B3GALT1: variants seen among roughly 807,000 people sequenced by gnomAD.
B3GALT1 encodes UDP-Gal:betaGlcNAc beta 1,3-galactosyltransferase, polypeptide 1.
In B3GALT1, 10 loss-of-function variants were observed where a neutral mutation model predicts 23.2. That is an observed-to-expected ratio of 0.43 (90% confidence interval 0.27 to 0.73). The LOEUF is 0.73. Ranked by LOEUF, B3GALT1 falls within the 30% of genes least tolerant of loss-of-function variation. B3GALT1 has a pLI of 0.21. For missense variants in B3GALT1, 299 were observed against 405.4 expected (o/e 0.74, Z 2.25); for synonymous variants, 156 against 141.5 (o/e 1.10, Z -0.73).
chr2:167,428,200 A>T (rs989726166), intron 1 of B3GALT1, among the ~76,000 whole-genome samples: 2 of 152,252 alleles, frequency 1.3e-5, no homozygotes, highest in Non-Finnish European at 2.9e-5. Flanking sequence ...ACTAGAAATA[A>T]AATTAGCACT....
rs186963690 is a variant in B3GALT1 at position 167,405,335 on chromosome 2, A to T, written c.-510-84842A>T. Among the ~76,000 whole-genome samples the T allele has an allele frequency of 1.2e-4, 18 of 152,226 alleles. No homozygotes were observed. In the East Asian group the frequency reaches 3.3e-3, roughly 28 times the overall value. On this transcript the variant is annotated intron_variant, in intron 1 of 4. Coordinates refer to ENST00000392690, the MANE Select transcript of B3GALT1 (RefSeq NM_020981.4). ...TTAATAATACTTTTAATAATCCTAAATGTGTCCAATTTATTAAATTAAGAA... is the reference window on the plus strand; with the variant it reads ...TTAATAATACTTTTAATAATCCTAATTGTGTCCAATTTATTAAATTAAGAA...
intron 3 of B3GALT1, among the ~76,000 whole-genome samples, chr2:167,699,438 C>G (rs1330727281): frequency 2.4e-5 from 3 of 126,484 alleles, no homozygotes; most frequent in Admixed American, 1.9e-4. Flanking sequence ...CCCCAATTAA[C>G]CACAACATTA....
chr2:167,310,337 C>G (rs1696617252), intron 1 of B3GALT1, among the ~76,000 whole-genome samples: 1 of 151,842 alleles, frequency 6.6e-6, no homozygotes, highest in Non-Finnish European at 1.5e-5. Context: ...AGTGTTACAT[C>G]TCAGGTAGTA....
intron 1 of B3GALT1, among the ~76,000 whole-genome samples, chr2:167,360,580 A>T (rs1221140462): frequency 1.3e-5 from 2 of 152,138 alleles, no homozygotes; most frequent in Non-Finnish European, 2.9e-5. Context: ...GAGGCCCAGC[A>T]ATCATCTTTT....
At chr2:167,868,036 A>G (rs185382904) in intron 4 of B3GALT1, among the ~76,000 whole-genome samples, 1 of 152,372 alleles carries the variant, frequency 6.6e-6, no homozygotes, top group South Asian at 2.1e-4. Flanking sequence ...GTATAATTTC[A>G]TCAAGGGAAC....
intron 3 of B3GALT1, among the ~76,000 whole-genome samples, chr2:167,763,372 A>G (rs2105300380): frequency 6.6e-6 from 1 of 152,318 alleles, no homozygotes; most frequent in Non-Finnish European, 1.5e-5. Flanking sequence ...TAATCAGTTT[A>G]TCAATAAAAA....
chr2:167,585,263 G>A (rs1166556722), intron 2 of B3GALT1, among the ~76,000 whole-genome samples: 2 of 152,274 alleles, frequency 1.3e-5, no homozygotes, highest in Non-Finnish European at 2.9e-5. Flanking sequence ...TAAGCAAACC[G>A]AAATTGGGAG....
At chr2:167,527,364 T>C (rs778547924) in intron 2 of B3GALT1, among the ~76,000 whole-genome samples, 32 of 149,072 alleles carry the variant, frequency 2.1e-4, no homozygotes, top group Non-Finnish European at 4.1e-4. Context: ...ATTTTAATCA[T>C]TTTTCTTCAT....
chr2:167,464,471 TATAATCCAAACC>T (rs1257280110), intron 1 of B3GALT1, among the ~76,000 whole-genome samples: 4 of 152,130 alleles, frequency 2.6e-5, no homozygotes, highest in African/African-American at 9.7e-5. Flanking sequence ...AGAAGAAAAA[TATAATCCAAACC>T]ATTTCTAGAA....
At chr2:167,760,978 G>A (rs1302020047) in intron 3 of B3GALT1, among the ~76,000 whole-genome samples, 1 of 152,190 alleles carries the variant, frequency 6.6e-6, no homozygotes, top group East Asian at 1.9e-4. Context: ...AGCCTGGAGT[G>A]CAGCAGGGTG....
intron 2 of B3GALT1, among the ~76,000 whole-genome samples, chr2:167,637,433 A>T (rs1400234120): frequency 2.6e-5 from 4 of 151,964 alleles, no homozygotes; most frequent in African/African-American, 9.7e-5. Context: ...CATGCATAGA[A>T]CATGTCATGA....
intron 2 of B3GALT1, among the ~76,000 whole-genome samples, chr2:167,626,761 T>A (rs552383510): frequency 6.6e-6 from 1 of 151,834 alleles, no homozygotes; most frequent in African/African-American, 2.4e-5. Context: ...TTCTGTAAGA[T>A]GCTAATAGGA....
chr2:167,726,830 G>C (rs1411135883), intron 3 of B3GALT1, among the ~76,000 whole-genome samples: 1 of 152,212 alleles, frequency 6.6e-6, no homozygotes, highest in African/African-American at 2.4e-5. Flanking sequence ...AGCATCCTTA[G>C]ATTCATTGTT....
At chr2:167,602,728 A>G (rs1334072070) in intron 2 of B3GALT1, among the ~76,000 whole-genome samples, 1 of 152,134 alleles carries the variant, frequency 6.6e-6, no homozygotes, top group Non-Finnish European at 1.5e-5. Context: ...CTCAAATAGT[A>G]TTTGTATCTT....
At chr2:167,771,578 CA>C (rs1193204741) in intron 3 of B3GALT1, among the ~76,000 whole-genome samples, 2 of 152,156 alleles carry the variant, frequency 1.3e-5, no homozygotes, top group Non-Finnish European at 1.5e-5. Flanking sequence ...CTCAAAAAAA[CA>C]AAAACAAACA....
chr2:167,462,175 T>C (rs939841048), intron 1 of B3GALT1, among the ~76,000 whole-genome samples: 1 of 152,200 alleles, frequency 6.6e-6, no homozygotes. Context: ...GGCAGTGATA[T>C]GTTTGAGTGT....
At chr2:167,681,722 A>G (rs902340570) in intron 3 of B3GALT1, among the ~76,000 whole-genome samples, 2 of 152,232 alleles carry the variant, frequency 1.3e-5, no homozygotes, top group African/African-American at 4.8e-5. Flanking sequence ...TTCTAAACCC[A>G]TATATGTAGG....
chr2:167,739,069 G>T lies in B3GALT1; in HGVS notation c.-351-79603G>T, dbSNP rs145167089. ...TTCCAGTACATATTCCATTCCCTCT[G>T]CCCCTCTGCTCTAGATTGGATTGAT... On this transcript the variant is annotated intron_variant, in intron 3 of 4. Transcript: ENST00000392690. Among the ~76,000 whole-genome samples, 619 of 152,236 alleles carry T rather than the reference G, an allele frequency of 4.1e-3. 2 individuals are homozygous for T. The highest frequency in any genetic ancestry group is 0.037 in the Middle Eastern group (11 of 294).
intron 1 of B3GALT1, among the ~76,000 whole-genome samples, chr2:167,343,392 A>G (rs1157058523): frequency 6.6e-6 from 1 of 152,186 alleles, no homozygotes; most frequent in Non-Finnish European, 1.5e-5. Flanking sequence ...AGTTTGACAA[A>G]TTGTAACACT....
Sources: gnomAD v4.1 joint callset for allele counts (sites outside exome capture counted in the v4.1 genomes callset) on GRCh38, gnomAD v4.1.1 for gene constraint, MANE v1.5 for transcripts, NCBI Gene and HGNC (gene_info 2026-07-23, HGNC 2026-07-21) for gene names.